PHACTR1: variants seen among roughly 807,000 people sequenced by gnomAD.
PHACTR1 encodes phosphatase and actin regulator 1.
A neutral mutation model predicts 69.2 loss-of-function variants in PHACTR1; 16 were observed. The ratio of observed to expected loss-of-function variants is 0.23; its 90% CI spans 0.16 to 0.35. The LOEUF is 0.35. Ranked by LOEUF, PHACTR1 falls within the 10% of genes least tolerant of loss-of-function variation. The pLI is 1.00. For missense variants in PHACTR1, 510 were observed against 734.7 expected, an observed-to-expected ratio of 0.69 and a Z score of 3.54; for synonymous variants, 312 against 284.5, an observed-to-expected ratio of 1.10 and a Z score of -0.97.
intron 4 of PHACTR1, among the ~76,000 whole-genome samples, chr6:12,781,373 C>T (rs1770799820): frequency 6.6e-6 from 1 of 152,200 alleles, no homozygotes. Context: ...ATACTCGTTC[C>T]ACCCAGGACG....
chr6:13,160,183 CTGTT>C lies in PHACTR1; in HGVS notation c.416-17_416-14del, dbSNP rs1218931117. The C allele has an allele frequency of 6.2e-7, 1 of 1,608,188 alleles. No homozygotes were observed. The highest frequency in any genetic ancestry group is 8.5e-7 in the Non-Finnish European group (1 of 1,174,968). Reference sequence around the variant, plus strand: ...TTGTTACCTACTCACATCTGCCTCCCTGTTTGTCTTTTGTTTGTAGCCCTGGAAA... The same window carrying C: ...TTGTTACCTACTCACATCTGCCTCCCTGTCTTTTGTTTGTAGCCCTGGAAA... On this transcript the variant is annotated splice_polypyrimidine_tract_variant and intron_variant, in intron 5 of 14. Transcript: ENST00000332995.
intron 4 of PHACTR1, among the ~76,000 whole-genome samples, chr6:12,822,696 A>G (rs971641663): frequency 1.3e-5 from 2 of 152,228 alleles, no homozygotes; most frequent in Admixed American, 6.5e-5. Context: ...TCAGGAAAGA[A>G]CAGAACCAGA....
chr6:12,783,070 G>C (rs913046525), intron 4 of PHACTR1, among the ~76,000 whole-genome samples: 1 of 152,170 alleles, frequency 6.6e-6, no homozygotes, highest in African/African-American at 2.4e-5. Flanking sequence ...CAGTTTACAT[G>C]AGTTAGGAGA....
At chr6:13,123,814 C>T (rs944985973) in intron 5 of PHACTR1, among the ~76,000 whole-genome samples, 1 of 152,148 alleles carries the variant, frequency 6.6e-6, no homozygotes, top group Non-Finnish European at 1.5e-5. Context: ...ACCTGTGGCC[C>T]GGGCCAGGTA....
At chr6:12,809,551 G>C (rs1774789081) in intron 4 of PHACTR1, among the ~76,000 whole-genome samples, 1 of 152,172 alleles carries the variant, frequency 6.6e-6, no homozygotes, top group East Asian at 1.9e-4. Flanking sequence ...ACACAACTCT[G>C]TTTCCAGGAA....
chr6:13,181,369 C>T (rs370839682), intron 6 of PHACTR1, among the ~76,000 whole-genome samples: 6 of 152,276 alleles, frequency 3.9e-5, no homozygotes, highest in African/African-American at 1.2e-4. Context: ...GGTTTTAAGT[C>T]GGATAATTGC....
intron 7 of PHACTR1, among the ~76,000 whole-genome samples, chr6:13,189,875 C>G (rs1763283585): frequency 2.0e-5 from 3 of 152,092 alleles, no homozygotes; most frequent in Admixed American, 2.0e-4. Flanking sequence ...ATGTATTTCT[C>G]TTAGTTCTGG....
chr6:12,805,373 G>C (rs1291422754), intron 4 of PHACTR1, among the ~76,000 whole-genome samples: 1 of 152,098 alleles, frequency 6.6e-6, no homozygotes, highest in African/African-American at 2.4e-5. Flanking sequence ...CTAGAAGTGC[G>C]ACACGTTTGT....
chr6:13,114,910 T>G (rs772364862), intron 5 of PHACTR1, among the ~76,000 whole-genome samples: 1 of 152,210 alleles, frequency 6.6e-6, no homozygotes, highest in African/African-American at 2.4e-5. Context: ...TATCCCAGAC[T>G]TGGTGCTAAG....
intron 4 of PHACTR1, among the ~76,000 whole-genome samples, chr6:12,954,158 G>A (rs1212641250): frequency 6.6e-6 from 1 of 152,016 alleles, no homozygotes; most frequent in Non-Finnish European, 1.5e-5. Context: ...ACAAAGGCAG[G>A]GAGACCGAGA....
intron 8 of PHACTR1, among the ~76,000 whole-genome samples, chr6:13,211,152 C>T (rs938803229): frequency 1.3e-5 from 2 of 151,872 alleles, no homozygotes; most frequent in Non-Finnish European, 2.9e-5. Flanking sequence ...TTTTGGGAAA[C>T]AGGTGGTTTT....
chr6:13,108,364 G>A (rs946916168), intron 5 of PHACTR1, among the ~76,000 whole-genome samples: 1 of 152,024 alleles, frequency 6.6e-6, no homozygotes, highest in African/African-American at 2.4e-5. Flanking sequence ...TTGGAGTAAA[G>A]TATCTGATAA....
intron 4 of PHACTR1, among the ~76,000 whole-genome samples, chr6:12,922,014 A>G (rs760522126): frequency 2.0e-5 from 3 of 152,246 alleles, no homozygotes; most frequent in Non-Finnish European, 2.9e-5. Context: ...CACATCACAA[A>G]GTCACAGTAA....
intron 4 of PHACTR1, among the ~76,000 whole-genome samples, chr6:12,833,513 C>A (rs1356841457): frequency 6.6e-6 from 1 of 152,122 alleles, no homozygotes; most frequent in Non-Finnish European, 1.5e-5. Flanking sequence ...CCCGCCTCAG[C>A]CTCCCAAAGT....
chr6:13,261,483 A>T (rs1775900304), intron 10 of PHACTR1, among the ~76,000 whole-genome samples: 1 of 152,178 alleles, frequency 6.6e-6, no homozygotes, highest in Non-Finnish European at 1.5e-5. Context: ...TTCAAAAGAT[A>T]AAAAAATATT....
chr6:13,160,322 T>C, intron 6 of PHACTR1, 38 bp downstream of exon 6: 1 of 1,556,428 alleles, frequency 6.4e-7, no homozygotes, highest in Non-Finnish European at 8.9e-7. Flanking sequence ...GGTCAAAGAG[T>C]CATGCGTGGA....
chr6:13,257,774 C>T (rs1775376478), intron 10 of PHACTR1, among the ~76,000 whole-genome samples: 1 of 152,114 alleles, frequency 6.6e-6, no homozygotes, highest in Admixed American at 6.5e-5. Context: ...GTCCACCCAC[C>T]TATTGAAGCA....
intron 5 of PHACTR1, among the ~76,000 whole-genome samples, 197 bp downstream of exon 5, chr6:13,053,726 T>A (rs1203993417): frequency 1.3e-5 from 2 of 152,226 alleles, no homozygotes; most frequent in Admixed American, 1.3e-4. Context: ...TCCTATCTCA[T>A]GATTTTTTGT....
chr6:13,163,581 T>G (rs1253811985), intron 6 of PHACTR1, among the ~76,000 whole-genome samples: 1 of 152,174 alleles, frequency 6.6e-6, no homozygotes, highest in Non-Finnish European at 1.5e-5. Flanking sequence ...CACATAGTAG[T>G]GTATAGGTTT....
Sources: allele counts gnomAD v4.1 joint callset (sites outside exome capture counted in the v4.1 genomes callset), GRCh38; gene constraint gnomAD v4.1.1; transcripts MANE v1.5; gene names NCBI Gene and HGNC (gene_info 2026-07-23, HGNC 2026-07-21).